Variants in OSBPL6 observed in about 807,000 individuals in gnomAD.
OSBPL6 encodes oxysterol-binding protein-related protein 6.
OSBPL6 carries 49 observed loss-of-function variants against 125.8 expected under a neutral mutation model. That is an observed-to-expected ratio of 0.39 (90% CI 0.31 to 0.49). The LOEUF is 0.49. Among genes scored for constraint, OSBPL6 ranks in the 20% least tolerant of loss-of-function variants. The pLI is 0.88. For missense variants in OSBPL6, 986 were observed against 1,135.4 expected, an observed-to-expected ratio of 0.87 and a Z score of 1.89; for synonymous variants, 394 against 391.8, an observed-to-expected ratio of 1.01 and a Z score of -0.07.
At chr2:178,253,959 C>T (rs933456936) in intron 1 of OSBPL6, among the ~76,000 whole-genome samples, 5 of 152,128 alleles carry the variant, frequency 3.3e-5, no homozygotes, top group African/African-American at 1.2e-4. Flanking sequence ...AGAAGAGAGA[C>T]CTGAGGAAGC....
At chr2:178,247,659 C>T (rs991648354) in intron 1 of OSBPL6, among the ~76,000 whole-genome samples, 1 of 152,150 alleles carries the variant, frequency 6.6e-6, no homozygotes, top group Non-Finnish European at 1.5e-5. Context: ...CTCTCCAAAG[C>T]CTCCAGACTC....
intron 13 of OSBPL6, among the ~76,000 whole-genome samples, chr2:178,364,200 A>C (rs1434090): frequency 1.3e-5 from 2 of 152,060 alleles, no homozygotes; most frequent in Admixed American, 1.3e-4. Flanking sequence ...TACTCTTAAG[A>C]GTAGCTGATT....
intron 3 of OSBPL6, among the ~76,000 whole-genome samples, chr2:178,319,127 A>G (rs1391079055): frequency 6.6e-6 from 1 of 152,208 alleles, no homozygotes; most frequent in Non-Finnish European, 1.5e-5. Context: ...TGCAAAATTT[A>G]TGTTCTTTTG....
intron 2 of OSBPL6, among the ~76,000 whole-genome samples, chr2:178,294,176 T>G (rs1685525299): frequency 6.6e-6 from 1 of 152,178 alleles, no homozygotes; most frequent in Admixed American, 6.5e-5. Context: ...CAGTTTCTCT[T>G]TCAATTATTT....
intron 1 of OSBPL6, among the ~76,000 whole-genome samples, chr2:178,234,126 A>G (rs901069854): frequency 2.6e-5 from 4 of 152,348 alleles, no homozygotes; most frequent in East Asian, 1.9e-4. Context: ...AATGCTAATT[A>G]CCATATATGT....
At chr2:178,245,053 G>A (rs2091441450) in intron 1 of OSBPL6, among the ~76,000 whole-genome samples, 2 of 152,126 alleles carry the variant, frequency 1.3e-5, no homozygotes, top group South Asian at 4.1e-4. Context: ...AAAATGACAC[G>A]ATGGATTATA....
In OSBPL6 at chr2:178,383,030, A is replaced by G; in HGVS notation, c.1628A>G (p.Asn543Ser). Residue 543 changes from asparagine to serine, a missense_variant, in exon 17 of 25, where the codon AAT becomes AGT. By Grantham distance (46) the Asn-to-Ser change is conservative (BLOSUM62 1). Around this residue, in one of 3 missense-constraint regions of OSBPL6, gnomAD observed 843 missense variants for 997.3 expected, o/e 0.85. Transcript: ENST00000190611. ...VADNISRQIL[N>S]GELTGGAFRN... Reference sequence around the variant, plus strand: ...GTGACTCTCCTTCTTCCAGTCCTGAATGGGGAGCTTACAGGAGGGGCCTTC... The same window carrying G: ...GTGACTCTCCTTCTTCCAGTCCTGAGTGGGGAGCTTACAGGAGGGGCCTTC... 2 of 1,614,130 alleles carry G rather than the reference A, an allele frequency of 1.2e-6. No individual in the cohort carries two copies. Among genetic ancestry groups the G allele is most frequent in the Non-Finnish European group, 1.7e-6 (2 of 1,179,986 alleles).
intron 2 of OSBPL6, among the ~76,000 whole-genome samples, chr2:178,300,789 A>G (rs1174167906): frequency 6.6e-6 from 1 of 152,248 alleles, no homozygotes; most frequent in Non-Finnish European, 1.5e-5. Flanking sequence ...TACAGACTGT[A>G]GATTCCAGCG....
At chr2:178,250,161 G>T (rs1436787975) in intron 1 of OSBPL6, among the ~76,000 whole-genome samples, 1 of 152,146 alleles carries the variant, frequency 6.6e-6, no homozygotes, top group African/African-American at 2.4e-5. Flanking sequence ...ATGCCGTTTG[G>T]TTTCCAAGAC....
chr2:178,311,173 C>G (rs1381588840), intron 3 of OSBPL6, among the ~76,000 whole-genome samples: 1 of 152,190 alleles, frequency 6.6e-6, no homozygotes, highest in African/African-American at 2.4e-5. Flanking sequence ...ACCATGTTCC[C>G]TTTAAGTGGT....
chr2:178,262,785 C>T (rs17592042), intron 1 of OSBPL6, among the ~76,000 whole-genome samples: 18,555 of 152,180 alleles, frequency 0.12, 1,396 homozygotes, highest in South Asian at 0.22. Context: ...CTATATTCAT[C>T]ATCCTAGTGA....
At chr2:178,239,991 T>C (rs2153988318) in intron 1 of OSBPL6, among the ~76,000 whole-genome samples, 1 of 152,324 alleles carries the variant, frequency 6.6e-6, no homozygotes, top group Middle Eastern at 3.4e-3. Flanking sequence ...AAGTATATTT[T>C]ATTTTGATTT....
chr2:178,298,694 G>GTTTTTTTTTTTTTTTT (rs757606940), intron 2 of OSBPL6, among the ~76,000 whole-genome samples: 1 of 139,428 alleles, frequency 7.2e-6, no homozygotes, highest in African/African-American at 2.6e-5. Context: ...ATTTTTAGTT[G>GTTTTTTTTTTTTTTTT]CTTTTTTTTT....
chr2:178,240,925 T>G (rs1168063379), intron 1 of OSBPL6, among the ~76,000 whole-genome samples: 1 of 152,230 alleles, frequency 6.6e-6, no homozygotes, highest in Non-Finnish European at 1.5e-5. Flanking sequence ...GTAATCCATC[T>G]TATCCATTAT....
intron 12 of OSBPL6, among the ~76,000 whole-genome samples, chr2:178,360,068 A>C (rs1043678830): frequency 7.7e-6 from 1 of 130,660 alleles, no homozygotes; most frequent in Non-Finnish European, 1.6e-5. Flanking sequence ...CTGGGTGACA[A>C]AGTGAGACTC....
Position 178,260,860 on chromosome 2 carries a change from C to T in OSBPL6, c.-350-24067C>T, listed in dbSNP as rs149399940. On this transcript the variant is annotated intron_variant, in intron 1 of 24. Transcript: ENST00000190611. ...CGAAATTTCAAGTTAAAAACTGATG[C>T]TTAGGCCAGATGCGGTGGCTCATGC... 5.3e-3 allele frequency among the ~76,000 whole-genome samples: 802 copies of T among 152,250 alleles called. 4 individuals carry two copies. The highest frequency in any genetic ancestry group is 8.3e-3 in the Non-Finnish European group (564 of 68,016).
intron 21 of OSBPL6, among the ~76,000 whole-genome samples, chr2:178,390,829 A>G (rs1052156919): frequency 1.3e-5 from 2 of 152,258 alleles, no homozygotes; most frequent in African/African-American, 4.8e-5. Flanking sequence ...TTCTTGGGAT[A>G]GAAGCTGAGC....
chr2:178,359,905 T>C (rs1345611906), intron 12 of OSBPL6, among the ~76,000 whole-genome samples: 1 of 152,192 alleles, frequency 6.6e-6, no homozygotes, highest in Non-Finnish European at 1.5e-5. Flanking sequence ...CTGGTCAACA[T>C]GGCAAATCCC....
intron 1 of OSBPL6, among the ~76,000 whole-genome samples, chr2:178,246,695 A>G (rs2091503282): frequency 6.6e-6 from 1 of 152,212 alleles, no homozygotes; most frequent in Non-Finnish European, 1.5e-5. Flanking sequence ...ATATAAGGTC[A>G]TCAGGAAACC....
Sources: gnomAD v4.1 joint callset for allele counts (sites outside exome capture counted in the v4.1 genomes callset) on GRCh38, gnomAD v4.1.1 for gene constraint, gnomAD v4.1.1 regional missense constraint, MANE v1.5 for transcripts, NCBI Gene and HGNC (gene_info 2026-07-23, HGNC 2026-07-21) for gene names.